FBXO44: variants seen among roughly 807,000 people sequenced by gnomAD.
FBXO44 encodes F-box only protein 44.
In FBXO44, 25 loss-of-function variants were observed where a neutral mutation model predicts 33.5. That is an observed-to-expected ratio of 0.75 (90% CI 0.54 to 1.04). The LOEUF is 1.04. FBXO44 is among the 50% of genes least tolerant of loss of function. The pLI is 0.00. For synonymous variants in FBXO44, 147 were observed against 152.8 expected (o/e 0.96, Z 0.28); for missense variants, 311 against 344.0 (o/e 0.90, Z 0.76).
chr1:11,659,099 A>G (rs1342461660), intron 5 of FBXO44, among the ~76,000 whole-genome samples: 1 of 152,246 alleles, frequency 6.6e-6, no homozygotes, highest in Non-Finnish European at 1.5e-5. Flanking sequence ...AAATATTCCA[A>G]AAGGTTGGCA....
At chr1:11,658,940 T>C in intron 5 of FBXO44, 69 bp downstream of exon 5, 1 of 1,577,962 alleles carries the variant, frequency 6.3e-7, no homozygotes, top group Non-Finnish European at 8.6e-7. Flanking sequence ...AGACGGGGCC[T>C]AGGTTCAGAT....
Position 11,656,161 on chromosome 1 carries a change from A to AT in FBXO44, c.265+63dup. 2.5e-6 allele frequency: 4 copies of AT among 1,583,884 alleles called. 1 individual carries two copies. The East Asian group carries it at 9.0e-5, about 36-fold the overall frequency. ...CACAGTCATGACACCAGGAACATGTATTGAGCACTTAGTATGAGCCGGGTA... is the reference window on the plus strand; with the variant it reads ...CACAGTCATGACACCAGGAACATGTATTTGAGCACTTAGTATGAGCCGGGTA... On this transcript the variant is annotated intron_variant, in intron 2 of 5. Transcript: ENST00000251547.
chr1:11,658,597 A>G lies in FBXO44; in HGVS notation c.457A>G (p.Thr153Ala). The G allele has an allele frequency of 1.2e-6, 2 of 1,613,222 alleles. No homozygotes were observed. Among genetic ancestry groups the G allele is most frequent in the East Asian group, 2.2e-5 (1 of 44,786 alleles). ...AGGGTATTGGGAGGAGCTGATGGAT[A>G]CCACACGGCCGGACATCGAGGTCAA... ...AEGYWEELMD[T>A]TRPDIEVKDW... The change falls in exon 4 of 6, where the codon ACC (threonine) becomes GCC (alanine). Residue 153 changes from threonine (T) to alanine (A), a missense_variant. Transcript: ENST00000251547.
At position 11,661,414 on chromosome 1, in the gene FBXO44, C is replaced by T; in HGVS notation, c.*141C>T. 7.7e-7 allele frequency: 1 copy of T among 1,303,002 alleles called. No homozygotes were observed. Among genetic ancestry groups the T allele is most frequent in the East Asian group, 2.4e-5 (1 of 41,504 alleles). 80.7% of individuals were successfully genotyped at this position (1,303,002 alleles called of 1,614,324 possible). ...CCCTAGCAGCCTCTTCTTTGTGGAGCCTCTCAGTGTGGGCAGCCCTCGCAT... is the reference window on the plus strand; with the variant it reads ...CCCTAGCAGCCTCTTCTTTGTGGAGTCTCTCAGTGTGGGCAGCCCTCGCAT... On this transcript the variant is annotated 3_prime_UTR_variant, in exon 6 of 6. Coordinates refer to ENST00000251547, the MANE Select transcript of FBXO44 (RefSeq NM_033182.7). The surrounding 1 kb of genome is among the most constrained non-coding windows in gnomAD (Gnocchi z 4.4).
chr1:11,655,705 G>A (rs1174145340), intron 1 of FBXO44, 101 bp from the exon 2 acceptor site: 2 of 1,274,526 alleles, frequency 1.6e-6, no homozygotes, highest in Non-Finnish European at 1.1e-6. Flanking sequence ...TGGAGGTAAG[G>A]CATCCATTTA....
At chr1:11,656,758 C>A (rs373816711) in intron 2 of FBXO44, among the ~76,000 whole-genome samples, 1 of 152,180 alleles carries the variant, frequency 6.6e-6, no homozygotes, top group Non-Finnish European at 1.5e-5. Context: ...CCACCGCGCC[C>A]GGCCTCTTAT....
rs144418573 is a variant in FBXO44, at chr1:11,658,614, C to A, written c.474C>A (p.Ile158=). The A allele has an allele frequency of 1.1e-4, 180 of 1,613,424 alleles. 2 individuals carry two copies. The Admixed American group carries it at 1.3e-3, about 11-fold the overall frequency. The part of the protein sequence containing the change: ...EELMDTTRPD[I]EVKDWFAARP... ...TGATGGATACCACACGGCCGGACATCGAGGTCAAGGACTGGTGAGTGCCTG... is the reference window on the plus strand; with the variant it reads ...TGATGGATACCACACGGCCGGACATAGAGGTCAAGGACTGGTGAGTGCCTG... Residue 158 remains isoleucine, a synonymous_variant, in exon 4 of 6, where the codon ATC becomes ATA. Coordinates refer to ENST00000251547, the MANE Select transcript of FBXO44 (RefSeq NM_033182.7).
Position 11,656,031 on chromosome 1 carries a change from G to A in FBXO44, c.196G>A (p.Ala66Thr), listed in dbSNP as rs766009169. 1.9e-6 allele frequency: 3 copies of A among 1,614,146 alleles called. No individual in the cohort carries two copies. Among genetic ancestry groups the A allele is most frequent in the East Asian group, 2.2e-5 (1 of 44,878 alleles). ...FITEDWDQPV[A>T]DWKIFYFLRS... ...CACTGAGGACTGGGACCAGCCCGTGGCCGACTGGAAGATCTTCTACTTCTT... is the reference window on the plus strand; with the variant it reads ...CACTGAGGACTGGGACCAGCCCGTGACCGACTGGAAGATCTTCTACTTCTT... The change falls in exon 2 of 6, where the codon GCC becomes ACC. Residue 66 changes from alanine (A) to threonine (T), a missense_variant. Transcript: ENST00000251547.
chr1:11,656,181 C>A, intron 2 of FBXO44, 81 bp downstream of exon 2: 1 of 1,551,096 alleles, frequency 6.4e-7, no homozygotes, highest in Non-Finnish European at 8.8e-7. Flanking sequence ...TAGTATGAGC[C>A]GGGTACTTTG....
intron 2 of FBXO44, among the ~76,000 whole-genome samples, chr1:11,657,505 C>T (rs1252484812): frequency 6.6e-6 from 1 of 152,138 alleles, no homozygotes; most frequent in African/African-American, 2.4e-5. Context: ...TTTGGGAGGC[C>T]AAGGTGGGTG....
upstream of FBXO44, chr1:11,654,456 T>A: frequency 2.7e-6 from 3 of 1,119,522 alleles, no homozygotes; most frequent in Non-Finnish European, 3.5e-6. Flanking sequence ...CCGCGCCTCT[T>A]AAAGGCCCCC....
At chr1:11,659,547 C>A (rs577064437) in intron 5 of FBXO44, among the ~76,000 whole-genome samples, 1 of 152,170 alleles carries the variant, frequency 6.6e-6, no homozygotes, top group East Asian at 1.9e-4. Flanking sequence ...TCTCTGTCAC[C>A]CAGGCTGGCG....
chr1:11,659,712 TCTCGCACTCCTGGC>T (rs563546551), intron 5 of FBXO44, among the ~76,000 whole-genome samples: 12 of 152,174 alleles, frequency 7.9e-5, no homozygotes, highest in Non-Finnish European at 1.6e-4. Flanking sequence ...CCCAGGCTGG[TCTCGCACTCCTGGC>T]CTCAAGTCAT....
At chr1:11,655,477 C>T (rs1051612939) in intron 1 of FBXO44, 1 of 277,160 alleles carries the variant, frequency 3.6e-6, no homozygotes, top group Non-Finnish European at 7.0e-6. Flanking sequence ...GGGTGCTCTG[C>T]CCGGCTGCGC....
intron 1 of FBXO44, 113 bp from the exon 2 acceptor site, chr1:11,655,693 C>T: frequency 1.7e-6 from 2 of 1,150,218 alleles, no homozygotes; most frequent in Non-Finnish European, 2.4e-6. Context: ...CCCAGTGACC[C>T]CTGGAGGTAA....
In FBXO44 at chr1:11,658,552, G is replaced by A; in HGVS notation, c.412G>A (p.Val138Met). The part of the protein sequence containing the change: ...TSYYTCLKSQ[V>M]VDLKAEGYWE... ...CCCCAGCACCTGCCTCAAGTCCCAGGTGGTGGACCTCAAGGCCGAAGGGTA... is the reference window on the plus strand; with the variant it reads ...CCCCAGCACCTGCCTCAAGTCCCAGATGGTGGACCTCAAGGCCGAAGGGTA... Residue 138 changes from valine to methionine, a missense_variant, in exon 4 of 6, where the codon GTG (valine) becomes ATG (methionine). By Grantham distance (21) the Val-to-Met change is conservative (BLOSUM62 1). Coordinates refer to ENST00000251547, the MANE Select transcript of FBXO44 (RefSeq NM_033182.7). 6.2e-7 allele frequency: 1 copy of A among 1,613,188 alleles called. No homozygotes were observed. The highest frequency in any genetic ancestry group is 8.5e-7 in the Non-Finnish European group (1 of 1,179,980).
chr1:11,658,675 G>GCC, intron 4 of FBXO44, 47 bp downstream of exon 4: 1 of 1,594,518 alleles, frequency 6.3e-7, no homozygotes, highest in Non-Finnish European at 8.5e-7. Context: ...CCAATCAGGC[G>GCC]CCCCACCCCC....
At chr1:11,657,287 A>G (rs1639874962) in intron 2 of FBXO44, among the ~76,000 whole-genome samples, 1 of 152,250 alleles carries the variant, frequency 6.6e-6, no homozygotes, top group Admixed American at 6.5e-5. Flanking sequence ...CACTTTGCCA[A>G]AAAAGCTTCC....
rs759439362 is a variant in FBXO44, at chr1:11,658,726, C to T, written c.489-10C>T. ...TCCGAGGCCCTGATGGGCCCTCCCTCTCCCTGCAGGTTCGCAGCCAGGCCA... is the reference window on the plus strand; with the variant it reads ...TCCGAGGCCCTGATGGGCCCTCCCTTTCCCTGCAGGTTCGCAGCCAGGCCA... On this transcript the variant is annotated splice_polypyrimidine_tract_variant and intron_variant, in intron 4 of 5. Coordinates refer to ENST00000251547, the MANE Select transcript of FBXO44 (RefSeq NM_033182.7). 4 of 1,613,902 alleles carry T rather than the reference C, an allele frequency of 2.5e-6. No individual in the cohort carries two copies. Among genetic ancestry groups the T allele is most frequent in the Non-Finnish European group, 2.5e-6 (3 of 1,179,928 alleles).
Sources: gnomAD v4.1 joint callset for allele counts (sites outside exome capture counted in the v4.1 genomes callset) on GRCh38, gnomAD v4.1.1 for gene constraint, Gnocchi (gnomAD v3.1) non-coding constraint, MANE v1.5 for transcripts, NCBI Gene and HGNC (gene_info 2026-07-23, HGNC 2026-07-21) for gene names.